The following TRPS1 variants were observed in gnomAD, a reference collection of about 807,000 sequenced individuals.
The protein encoded by TRPS1 is zinc finger transcription factor Trps1.
In TRPS1, 6 loss-of-function variants were observed where a neutral mutation model predicts 101.2. That is an observed-to-expected ratio of 0.06 (90% CI 0.03 to 0.12). The LOEUF (loss-of-function observed/expected upper bound fraction) is 0.12. TRPS1 is among the 10% of genes least tolerant of loss of function. The probability of loss-of-function intolerance (pLI) is 1.00; values close to 1 mark genes in which losing one functional copy is unlikely to be tolerated. For synonymous variants in TRPS1, 578 were observed against 589.8 expected, an observed-to-expected ratio of 0.98 and a Z score of 0.29; for missense variants, 1,363 against 1,567.0, an observed-to-expected ratio of 0.87 and a Z score of 2.20.
intron 5 of TRPS1, among the ~76,000 whole-genome samples, chr8:115,471,621 C>A (rs115677608): frequency 0.025 from 3,770 of 152,238 alleles, 147 homozygotes; most frequent in African/African-American, 0.085. Context: ...TCTTATCCAG[C>A]ATTAACCCAA....
At chr8:115,492,169 G>T (rs775054003) in intron 5 of TRPS1, 16 of 456,020 alleles carry the variant, frequency 3.5e-5, no homozygotes, top group South Asian at 2.5e-4. Flanking sequence ...AAAGAGTATG[G>T]GTCTTAGAAA....
intron 5 of TRPS1, among the ~76,000 whole-genome samples, chr8:115,452,431 AT>A (rs1813898245): frequency 1.3e-5 from 2 of 152,212 alleles, no homozygotes; most frequent in South Asian, 2.1e-4. Flanking sequence ...ACAAAAAAAA[AT>A]ATATTATGTA....
intron 5 of TRPS1, 109 bp downstream of exon 5, chr8:115,586,892 G>A (rs1034595010): frequency 6.3e-7 from 1 of 1,582,270 alleles, no homozygotes; most frequent in East Asian, 2.2e-5. Context: ...GATTGAGACA[G>A]ATCATTAAGT....
At chr8:115,592,986 A>AT (rs879810280) in intron 4 of TRPS1, among the ~76,000 whole-genome samples, 2,573 of 146,756 alleles carry the variant, frequency 0.018, 27 homozygotes, top group Non-Finnish European at 0.026. Context: ...TCCCAAATAA[A>AT]TTTTTTTTTT....
chr8:115,620,973 A>C (rs1245024291), intron 2 of TRPS1, among the ~76,000 whole-genome samples: 1 of 152,232 alleles, frequency 6.6e-6, no homozygotes, highest in Non-Finnish European at 1.5e-5. Flanking sequence ...AGTTCAAAAC[A>C]GCAAAATATT....
chr8:115,515,303 A>T (rs1205610248), intron 5 of TRPS1: 1 of 696,210 alleles, frequency 1.4e-6, no homozygotes, highest in East Asian at 2.7e-5. Flanking sequence ...TAACACGAAG[A>T]AGTACAGTAA....
chr8:115,664,534 A>T (rs1445934024), intron 1 of TRPS1, among the ~76,000 whole-genome samples: 1 of 152,128 alleles, frequency 6.6e-6, no homozygotes, highest in Non-Finnish European at 1.5e-5. Flanking sequence ...GCTGTCATTA[A>T]TTTCCCAAAA....
intron 5 of TRPS1, among the ~76,000 whole-genome samples, chr8:115,581,046 C>A (rs1308738989): frequency 6.6e-6 from 1 of 152,002 alleles, no homozygotes; most frequent in African/African-American, 2.4e-5. Context: ...GGTAAATACA[C>A]ACAATGGAAT....
intron 5 of TRPS1, among the ~76,000 whole-genome samples, chr8:115,543,574 A>C (rs1289726210): frequency 6.6e-6 from 1 of 151,480 alleles, no homozygotes; most frequent in African/African-American, 2.4e-5. Context: ...AGTTTTAAAA[A>C]TTGAGGCTAA....
rs1817994653 is a variant in TRPS1 at position 115,604,710 on chromosome 8, T to G, written c.1259A>C (p.Asp420Ala). The part of the protein sequence containing the change: ...WQDKITVKAG[D>A]DTPVGYSVPI... ...CACTGAGTACCCAACAGGAGTGTCA[T>G]CTCCTGCTTTGACTGTTATCTTGTC... Residue 420 changes from aspartate to alanine, a missense_variant, in exon 4 of 7, where the codon GAT (aspartate) becomes GCT (alanine). Physicochemically the swap from Asp to Ala is moderately radical, Grantham distance 126. Around this residue, in one of 5 missense-constraint regions of TRPS1, gnomAD observed 1,020 missense variants for 1,073.0 expected, o/e 0.95. Coordinates refer to ENST00000395715, the MANE Select transcript of TRPS1 (RefSeq NM_014112.5). The surrounding 1 kb of genome is among the most constrained non-coding windows in gnomAD (Gnocchi z 4.1). 6.2e-7 allele frequency: 1 copy of G among 1,613,760 alleles called. No individual in the cohort carries two copies. The highest frequency in any genetic ancestry group is 1.7e-5 in the Admixed American group (1 of 59,934).
At chr8:115,428,679 T>C (rs980707890) in intron 5 of TRPS1, among the ~76,000 whole-genome samples, 2 of 152,142 alleles carry the variant, frequency 1.3e-5, no homozygotes, top group Non-Finnish European at 2.9e-5. Context: ...ATCTCGGGAA[T>C]ACCTCTGGGA....
chr8:115,577,148 C>T (rs4876342), intron 5 of TRPS1, among the ~76,000 whole-genome samples: 152,273 of 152,276 alleles, frequency 1, 76,135 homozygotes, highest in Non-Finnish European at 1. Flanking sequence ...AAGTTTTTTT[C>T]CACTGTTCAA....
At chr8:115,423,283 G>A (rs981703873) in intron 5 of TRPS1, among the ~76,000 whole-genome samples, 39 of 152,200 alleles carry the variant, frequency 2.6e-4, no homozygotes, top group African/African-American at 8.0e-4. Flanking sequence ...GGCCATTTCC[G>A]TTGGCTGGTA....
intron 5 of TRPS1, among the ~76,000 whole-genome samples, chr8:115,474,255 A>G (rs1426325627): frequency 6.6e-6 from 1 of 152,108 alleles, no homozygotes; most frequent in East Asian, 1.9e-4. Flanking sequence ...GTTTTCTGTT[A>G]TATTTACTGA....
intron 5 of TRPS1, among the ~76,000 whole-genome samples, chr8:115,517,974 G>C (rs1184701112): frequency 5.9e-3 from 1 of 170 alleles, no homozygotes; most frequent in Non-Finnish European, 0.016. Flanking sequence ...GGATCCAGTA[G>C]ATGTTCAGCA....
chr8:115,517,470 G>A (rs1815744047), intron 5 of TRPS1, among the ~76,000 whole-genome samples: 1 of 151,640 alleles, frequency 6.6e-6, no homozygotes, highest in Admixed American at 6.6e-5. Context: ...GAAAGAGAGA[G>A]AGAGACGATG....
chr8:115,666,200 T>C (rs1453577079), intron 1 of TRPS1, among the ~76,000 whole-genome samples: 1 of 152,096 alleles, frequency 6.6e-6, no homozygotes, highest in African/African-American at 2.4e-5. Context: ...AAGGAAGTTA[T>C]GAAATCCAAG....
intron 5 of TRPS1, among the ~76,000 whole-genome samples, chr8:115,573,751 T>TC (rs1414461573): frequency 5.9e-5 from 9 of 152,216 alleles, no homozygotes; most frequent in African/African-American, 1.7e-4. Context: ...AACCTTTATG[T>TC]CAAGTCTTAG....
chr8:115,499,305 T>C (rs1815243165), intron 5 of TRPS1, among the ~76,000 whole-genome samples: 1 of 152,234 alleles, frequency 6.6e-6, no homozygotes, highest in Non-Finnish European at 1.5e-5. Context: ...ATGCACATTA[T>C]GGATGAATCA....
Sources: allele counts gnomAD v4.1 joint callset (sites outside exome capture counted in the v4.1 genomes callset), GRCh38; gene constraint gnomAD v4.1.1; regional missense constraint gnomAD v4.1.1; non-coding constraint Gnocchi (gnomAD v3.1); transcripts MANE v1.5; gene names NCBI Gene and HGNC (gene_info 2026-07-23, HGNC 2026-07-21).